The following COPG2 variants were observed in gnomAD, a reference collection of about 807,000 sequenced individuals.
COPG2 encodes the protein coat protein complex I subunit gamma 2.
Under a neutral mutation model 46.3 loss-of-function variants are expected in COPG2, and 37 were observed. The observed-to-expected ratio is 0.80, with a 90% CI of 0.61 to 1.05. The LOEUF (loss-of-function observed/expected upper bound fraction) is 1.05. COPG2 is among the 50% of genes least tolerant of loss of function. The probability of loss-of-function intolerance (pLI) is 0.00; values close to 1 mark genes in which losing one functional copy is unlikely to be tolerated. For synonymous variants in COPG2, 159 were observed against 129.7 expected (o/e 1.23, Z -1.53); for missense variants, 427 against 387.8 (o/e 1.10, Z -0.85).
chr7:130,655,390 TAGA>T (rs1316667323), intron 4 of COPG2, among the ~76,000 whole-genome samples: 1 of 152,212 alleles, frequency 6.6e-6, no homozygotes, highest in Non-Finnish European at 1.5e-5. Context: ...TCTTATGCAA[TAGA>T]AGGTCTTTCC....
At position 130,613,546 on chromosome 7, in the gene COPG2, G is replaced by C; in HGVS notation, c.490C>G (p.Leu164Val). The C allele has an allele frequency of 6.3e-7, 1 of 1,578,526 alleles. No individual in the cohort carries two copies. The highest frequency in any genetic ancestry group is 1.1e-5 in the South Asian group (1 of 87,186). The change falls in exon 7 of 24, where the codon CTG (leucine) becomes GTG (valine). Residue 164 changes from leucine to valine, a missense_variant and splice_region_variant. Transcript: ENST00000425248. ...SVSSSALVSS[L>V]HMMKISYDVV... ...TAGGAAGCTGCTTGTTCACTTACCA[G>C]GGAAGATACCAGTGCTGAACTGGAT...
chr7:130,646,743 T>A (rs1424920668), intron 5 of COPG2, among the ~76,000 whole-genome samples: 2 of 151,860 alleles, frequency 1.3e-5, no homozygotes, highest in Admixed American at 6.6e-5. Context: ...GATAGTTTTA[T>A]AAATGGCAGT....
intron 20 of COPG2, among the ~76,000 whole-genome samples, chr7:130,511,195 C>T (rs191710244): frequency 1.3e-5 from 2 of 151,878 alleles, no homozygotes; most frequent in South Asian, 2.1e-4. Flanking sequence ...GTCTCAACCA[C>T]CTGGGGGAGA....
intron 20 of COPG2, among the ~76,000 whole-genome samples, chr7:130,531,230 G>A (rs1430835532): frequency 6.6e-6 from 1 of 151,038 alleles, no homozygotes; most frequent in Non-Finnish European, 1.5e-5. Flanking sequence ...CAAGCCCCCA[G>A]CATTGAGAAC....
At position 130,545,576 on chromosome 7, in the gene COPG2, T is replaced by G. The variant is rs1793430732; in HGVS notation, c.2149+2098A>C. Among the ~76,000 whole-genome samples the G allele has an allele frequency of 3.3e-5, 5 of 152,300 alleles. No homozygotes were observed. The South Asian group carries it at 1.0e-3, about 32-fold the overall frequency. The stretch of plus-strand genomic sequence containing the variant: ...CATAGACTTTAGATTGGCCATGGAT[T>G]AAAAATTTGAGAATTCTGACAAAAA... On this transcript the variant is annotated intron_variant, in intron 20 of 23. Transcript: ENST00000425248.
At chr7:130,657,705 A>C (rs1464772135) in intron 4 of COPG2, among the ~76,000 whole-genome samples, 1 of 152,192 alleles carries the variant, frequency 6.6e-6, no homozygotes, top group Non-Finnish European at 1.5e-5. Context: ...AAACAATCCA[A>C]TTTTTTTAAT....
At chr7:130,533,422 C>T (rs1799848275) in intron 20 of COPG2, among the ~76,000 whole-genome samples, 1 of 151,742 alleles carries the variant, frequency 6.6e-6, no homozygotes, top group Non-Finnish European at 1.5e-5. Context: ...AATCATGGTA[C>T]AGGTAAGACA....
intron 5 of COPG2, among the ~76,000 whole-genome samples, chr7:130,645,841 T>C (rs562554039): frequency 9.8e-4 from 149 of 152,312 alleles, no homozygotes; most frequent in African/African-American, 3.2e-3. Context: ...ACTCTCATAA[T>C]AAGCTATTAT....
chr7:130,507,800 C>A lies in COPG2; in HGVS notation c.2271G>T (p.Val757=), dbSNP rs189564965. ...TCAGTACTTTCTGAATATGGTCAGA[C>A]ACAGTCACTTCGAGATCTTCCAGCT... ...EYVLEDLEVT[V]SDHIQKVLKP... is the part of the protein sequence containing the mutation. The change falls in exon 22 of 24, where the codon GTG becomes GTT. Residue 757 remains valine (V), a synonymous_variant. Coordinates refer to ENST00000425248, the MANE Select transcript of COPG2 (RefSeq NM_012133.6). 1.1e-4 allele frequency: 83 copies of A among 780,532 alleles called. 1 individual carries two copies. The East Asian group carries it at 1.4e-3, about 13-fold the overall frequency. 48.4% of individuals were successfully genotyped at this position (780,532 alleles called of 1,614,324 possible). A position where few individuals can be genotyped will look rare whatever the true frequency, so the allele number is the denominator to read the frequency against.
At chr7:130,646,983 GTATATATATATA>G (rs200102751) in intron 5 of COPG2, among the ~76,000 whole-genome samples, 896 of 18,438 alleles carry the variant, frequency 0.049, 23 homozygotes, top group South Asian at 0.075. Flanking sequence ...ATATATATAT[GTATATATATATA>G]TGTGTATATA....
Position 130,536,037 on chromosome 7 carries a change from C to T in COPG2, c.2149+11637G>A, listed in dbSNP as rs1044289937. On this transcript the variant is annotated intron_variant, in intron 20 of 23. Coordinates refer to ENST00000425248, the MANE Select transcript of COPG2 (RefSeq NM_012133.6). ...GAAAAATGTCAGTAGTAAGGGCCTA[C>T]GAAAATTAGATTGAGGCCAAAGGTA... Among the ~76,000 whole-genome samples, 468 of 151,880 alleles carry T rather than the reference C, an allele frequency of 3.1e-3. 1 individual carries two copies. Among genetic ancestry groups the T allele is most frequent in the Non-Finnish European group, 5.3e-3 (361 of 67,962 alleles).
chr7:130,632,826 C>T (rs4731697), intron 5 of COPG2, among the ~76,000 whole-genome samples: 148,307 of 152,126 alleles, frequency 0.97, 72,390 homozygotes, highest in Middle Eastern at 1. Context: ...ACATGTGCCA[C>T]GGTGGTTTGC....
chr7:130,594,980 G>C (rs1794499909), intron 9 of COPG2, among the ~76,000 whole-genome samples: 1 of 152,126 alleles, frequency 6.6e-6, no homozygotes, highest in Non-Finnish European at 1.5e-5. Flanking sequence ...TAGACACAGA[G>C]TTATATTATG....
rs1271789380 is a variant in COPG2, at chr7:130,506,664, T to C, written c.*12A>G. On this transcript the variant is annotated 3_prime_UTR_variant, in exon 24 of 24. Coordinates refer to ENST00000425248, the MANE Select transcript of COPG2 (RefSeq NM_012133.6). ...TGTAGTGTGCATCAGTTTCCTCTTG[T>C]CCAGTAAGCATTTATCCAACAGAAG... 1 of 778,270 alleles carries C rather than the reference T, an allele frequency of 1.3e-6. No individual in the cohort carries two copies. Among genetic ancestry groups the C allele is most frequent in the Non-Finnish European group, 2.4e-6 (1 of 416,660 alleles). The allele number at this position is 778,270 out of a possible 1,614,324, so 48.2% of individuals were successfully genotyped here.
intron 20 of COPG2, among the ~76,000 whole-genome samples, chr7:130,532,008 C>T (rs1469993255): frequency 2.0e-5 from 3 of 152,252 alleles, no homozygotes; most frequent in East Asian, 1.9e-4. Flanking sequence ...CAAAAGATGC[C>T]TCTGATAGGC....
chr7:130,598,186 A>G (rs547145532), intron 9 of COPG2, among the ~76,000 whole-genome samples: 1 of 152,066 alleles, frequency 6.6e-6, no homozygotes, highest in East Asian at 1.9e-4. Context: ...GACTCTCAAT[A>G]TTTGTTTGCT....
At position 130,592,530 on chromosome 7, in the gene COPG2, A is replaced by C. The variant is rs552262509; in HGVS notation, c.737+18423T>G. Among the ~76,000 whole-genome samples the C allele has an allele frequency of 6.6e-5, 10 of 152,314 alleles. No homozygotes were observed. The East Asian group carries it at 1.9e-3, about 29-fold the overall frequency. On this transcript the variant is annotated intron_variant, in intron 9 of 23. Coordinates refer to ENST00000425248, the MANE Select transcript of COPG2 (RefSeq NM_012133.6). ...TGATTCTTTCCCTAATGGCAGGAAA[A>C]GCATGGTAAAATTAAAAACAAATCT... is the stretch of plus-strand genomic sequence containing the variant.
chr7:130,557,123 T>G (rs1418409593), intron 12 of COPG2, among the ~76,000 whole-genome samples: 1 of 152,056 alleles, frequency 6.6e-6, no homozygotes, highest in East Asian at 1.9e-4. Context: ...CCCTAGAGAA[T>G]GAATAATAAA....
At chr7:130,659,387 C>A (rs896734852) in intron 4 of COPG2, among the ~76,000 whole-genome samples, 6 of 124,814 alleles carry the variant, frequency 4.8e-5, no homozygotes, top group African/African-American at 1.8e-4. Flanking sequence ...CAAGCATTAT[C>A]TAGAAATTCC....
Sources: allele counts gnomAD v4.1 joint callset (sites outside exome capture counted in the v4.1 genomes callset), GRCh38; gene constraint gnomAD v4.1.1; transcripts MANE v1.5; gene names NCBI Gene and HGNC (gene_info 2026-07-23, HGNC 2026-07-21).